The following LRP1B variants were observed in gnomAD, a reference collection of about 807,000 sequenced individuals.
LRP1B encodes the protein low-density lipoprotein receptor-related protein 1B.
In LRP1B, 217 loss-of-function variants were observed where a neutral mutation model predicts 556.6. The observed-to-expected ratio is 0.39, with a 90% CI of 0.35 to 0.44. The LOEUF is 0.44. Among genes scored for constraint, LRP1B ranks in the 20% least tolerant of loss-of-function variants. The pLI, the probability that LRP1B is intolerant of heterozygous loss-of-function variation, is 1.00. For missense variants in LRP1B, 5,053 were observed against 5,620.8 expected, an observed-to-expected ratio of 0.90 and a Z score of 3.23; for synonymous variants, 2,047 against 1,865.8, an observed-to-expected ratio of 1.10 and a Z score of -2.50.
intron 1 of LRP1B, among the ~76,000 whole-genome samples, chr2:142,112,349 A>G (rs1040324303): frequency 5.3e-5 from 8 of 152,254 alleles, no homozygotes; most frequent in East Asian, 1.9e-4. Flanking sequence ...AGGGACTACA[A>G]TTCATTATAA....
intron 1 of LRP1B, among the ~76,000 whole-genome samples, chr2:142,039,940 C>T (rs62157626): frequency 0.54 from 80,935 of 151,106 alleles, 22,400 homozygotes; most frequent in East Asian, 0.68. Flanking sequence ...TTAAGAAATA[C>T]ACTGTTCAAT....
chr2:141,671,307 C>G (rs1690659199), intron 2 of LRP1B, among the ~76,000 whole-genome samples: 1 of 152,072 alleles, frequency 6.6e-6, no homozygotes, highest in African/African-American at 2.4e-5. Flanking sequence ...AGAAGCAAAT[C>G]ATGAGATGGG....
chr2:140,260,555 TA>T (rs892804219), intron 86 of LRP1B, among the ~76,000 whole-genome samples: 6 of 151,814 alleles, frequency 4.0e-5, no homozygotes, highest in African/African-American at 1.4e-4. Flanking sequence ...ATACCTTTTA[TA>T]AGATTGGGTC....
rs2105089885 is a variant in LRP1B at position 141,480,431 on chromosome 2, C to G, written c.308G>C (p.Cys103Ser). 6.2e-7 allele frequency: 1 copy of G among 1,613,950 alleles called. No individual in the cohort carries two copies. The highest frequency in any genetic ancestry group is 8.5e-7 in the Non-Finnish European group (1 of 1,179,920). Residue 103 changes from cysteine to serine, a missense_variant, in exon 3 of 91, where the codon TGC becomes TCC. Coordinates refer to ENST00000389484, the MANE Select transcript of LRP1B (RefSeq NM_018557.3). ...LSQLCNGVLD[C>S]PDGYDEGVHC... ...TACTCCTTCGTCATACCCATCTGGG[C>G]AGTCCAAGACACCATTGCACAGCTG... is the stretch of plus-strand genomic sequence containing the variant.
chr2:141,535,595 C>T lies in LRP1B; in HGVS notation c.206-55062G>A, dbSNP rs371066740. Among the ~76,000 whole-genome samples the T allele has an allele frequency of 4.1e-4, 62 of 151,470 alleles. No homozygotes were observed. The South Asian group carries it at 0.013, about 32-fold the overall frequency. On this transcript the variant is annotated intron_variant, in intron 2 of 90. Coordinates refer to ENST00000389484, the MANE Select transcript of LRP1B (RefSeq NM_018557.3). ...ATGTAGCCTTAAGACTTTTTCAATG[C>T]TTTAGTGAAAAACTAAAGCAAGTTA... is the stretch of plus-strand genomic sequence containing the variant.
chr2:141,439,996 C>G (rs1680900589), intron 3 of LRP1B, among the ~76,000 whole-genome samples: 1 of 152,150 alleles, frequency 6.6e-6, no homozygotes, highest in South Asian at 2.1e-4. Context: ...TTTCTCCACA[C>G]GAAACTCATG....
intron 53 of LRP1B, among the ~76,000 whole-genome samples, chr2:140,504,337 A>C (rs539410309): frequency 6.6e-6 from 1 of 152,258 alleles, no homozygotes; most frequent in East Asian, 1.9e-4. Flanking sequence ...TAATATTCAC[A>C]GTCTACCTTC....
intron 2 of LRP1B, among the ~76,000 whole-genome samples, chr2:141,724,822 G>A (rs1193417603): frequency 2.0e-5 from 3 of 151,878 alleles, no homozygotes; most frequent in Non-Finnish European, 4.4e-5. Flanking sequence ...AAAATAATCT[G>A]TTTTGAAAAT....
intron 25 of LRP1B, among the ~76,000 whole-genome samples, chr2:140,874,869 A>T (rs1693255075): frequency 6.6e-6 from 1 of 151,908 alleles, no homozygotes; most frequent in Admixed American, 6.6e-5. Context: ...AAATAAAAAA[A>T]ATAGCGGGGC....
chr2:141,048,520 C>A (rs947014352), intron 11 of LRP1B, among the ~76,000 whole-genome samples: 5 of 152,060 alleles, frequency 3.3e-5, no homozygotes, highest in South Asian at 2.1e-4. Context: ...TAGAAAACTT[C>A]ATTTCAGTGA....
intron 3 of LRP1B, among the ~76,000 whole-genome samples, chr2:141,331,511 T>TTTCC (rs1334144547): frequency 3.1e-5 from 2 of 65,046 alleles, no homozygotes; most frequent in African/African-American, 1.7e-4. Flanking sequence ...TCCTTCTTTC[T>TTTCC]TTCTTTCTTT....
chr2:140,992,857 AT>A (rs1470793341), intron 16 of LRP1B, among the ~76,000 whole-genome samples: 1 of 152,064 alleles, frequency 6.6e-6, no homozygotes, highest in Non-Finnish European at 1.5e-5. Context: ...TGCAGGACAG[AT>A]ATTAATGGGT....
intron 23 of LRP1B, among the ~76,000 whole-genome samples, chr2:140,888,960 C>CAAAAAAAAAAAAAAAAAAAAAAA (rs35546727): frequency 1.3e-5 from 1 of 78,056 alleles, no homozygotes; most frequent in Non-Finnish European, 2.8e-5. Flanking sequence ...GAGTCTGTCT[C>CAAAAAAAAAAAAAAAAAAAAAAA]AAAAAAAAAA....
At chr2:140,423,948 GTATTTA>G (rs1685553650) in intron 66 of LRP1B, among the ~76,000 whole-genome samples, 1 of 152,086 alleles carries the variant, frequency 6.6e-6, no homozygotes, top group Non-Finnish European at 1.5e-5. Context: ...AATTAAAACT[GTATTTA>G]TATTAATTCA....
chr2:141,217,467 C>T (rs1254201255), intron 6 of LRP1B, among the ~76,000 whole-genome samples: 1 of 152,078 alleles, frequency 6.6e-6, no homozygotes, highest in Non-Finnish European at 1.5e-5. Context: ...AAAAGGTGAG[C>T]TTGATAGAAG....
chr2:141,740,943 C>G (rs762199643), intron 2 of LRP1B, among the ~76,000 whole-genome samples: 1 of 152,128 alleles, frequency 6.6e-6, no homozygotes, highest in Non-Finnish European at 1.5e-5. Flanking sequence ...TTCTGGTAAA[C>G]CAGCCTTCTA....
At chr2:141,702,225 G>A (rs1051418848) in intron 2 of LRP1B, among the ~76,000 whole-genome samples, 5 of 151,810 alleles carry the variant, frequency 3.3e-5, no homozygotes, top group Admixed American at 1.3e-4. Context: ...TTGTAGTATC[G>A]TAGTACACAA....
chr2:140,700,655 T>A (rs1421000342), intron 40 of LRP1B, 34 bp from the exon 41 acceptor site: 2 of 1,585,692 alleles, frequency 1.3e-6, no homozygotes, highest in Admixed American at 1.9e-5. Flanking sequence ...CATGCACATG[T>A]TTATGTTTTT....
intron 1 of LRP1B, among the ~76,000 whole-genome samples, chr2:141,877,904 C>A (rs541910938): frequency 6.6e-6 from 1 of 152,012 alleles, no homozygotes; most frequent in South Asian, 2.1e-4. Context: ...AAGCTGAATT[C>A]GTGCACCTGG....
Sources: gnomAD v4.1 joint callset for allele counts (sites outside exome capture counted in the v4.1 genomes callset) on GRCh38, gnomAD v4.1.1 for gene constraint, MANE v1.5 for transcripts, NCBI Gene and HGNC (gene_info 2026-07-23, HGNC 2026-07-21) for gene names.